The following GLIPR2 variants were observed in gnomAD, a reference collection of about 807,000 sequenced individuals.
The protein encoded by GLIPR2 is GLI pathogenesis related 2, also known as Golgi-associated plant pathogenesis-related protein 1.
In GLIPR2, 21 loss-of-function variants were observed where a neutral mutation model predicts 20.4. The observed-to-expected ratio is 1.03, with a 90% CI of 0.73 to 1.48. The LOEUF (loss-of-function observed/expected upper bound fraction) is 1.48, where lower values mean the gene tolerates loss of function less well. Among genes scored for constraint, GLIPR2 ranks in the 40% most tolerant of loss-of-function variants. GLIPR2 has a pLI of 0.00. For synonymous variants in GLIPR2, 91 were observed against 80.5 expected, an observed-to-expected ratio of 1.13 and a Z score of -0.70; for missense variants, 205 against 200.1, an observed-to-expected ratio of 1.02 and a Z score of -0.15.
intron 1 of GLIPR2, among the ~76,000 whole-genome samples, chr9:36,140,278 G>A (rs958209983): frequency 3.9e-5 from 6 of 152,208 alleles, no homozygotes; most frequent in Non-Finnish European, 7.3e-5. Context: ...AATCAGAGCA[G>A]AGAGGCCTTT....
Position 36,148,619 on chromosome 9 carries a change from G to A in GLIPR2, c.195G>A (p.Glu65=). 1 of 1,613,952 alleles carries A rather than the reference G, an allele frequency of 6.2e-7. No individual in the cohort carries two copies. Among genetic ancestry groups the A allele is most frequent in the Non-Finnish European group, 8.5e-7 (1 of 1,179,824 alleles). ...SPESSRGQCG[E]NLAWASYDQT... ...AGTCCAGCCGTGGCCAGTGTGGGGA[G>A]AACCTTGCATGGGCATCCTATGATC... is the stretch of plus-strand genomic sequence containing the variant. The change falls in exon 3 of 5, where the codon GAG becomes GAA. Residue 65 remains glutamate, a synonymous_variant. Transcript: ENST00000377960.
At position 36,147,881 on chromosome 9, in the gene GLIPR2, C is replaced by T. The variant is rs11541720; in HGVS notation, c.109C>T (p.Arg37Trp). ...ACTGAAGCTCTGCAAGAACCTCAAC[C>T]GGGAGGCTCAACAGTGAGTCCCCTA... Reference protein sequence around the residue: ...PPLKLCKNLNREAQQYSEALA... With the variant: ...PPLKLCKNLNWEAQQYSEALA... The change falls in exon 2 of 5, where the codon CGG (arginine) becomes TGG (tryptophan). Residue 37 changes from arginine to tryptophan, a missense_variant. Coordinates refer to ENST00000377960, the MANE Select transcript of GLIPR2 (RefSeq NM_022343.4). 1.3e-5 allele frequency: 20 copies of T among 1,537,458 alleles called. No individual in the cohort carries two copies. Among genetic ancestry groups the T allele is most frequent in the East Asian group, 6.7e-5 (3 of 44,500 alleles).
rs377564402 is a variant in GLIPR2 at position 36,157,713 on chromosome 9, C to CACAT, written c.305-4648_305-4647insCATA. Among the ~76,000 whole-genome samples, 313 of 106,776 alleles carry CACAT rather than the reference C, an allele frequency of 2.9e-3. 2 individuals carry two copies. Among genetic ancestry groups the CACAT allele is most frequent in the African/African-American group, 8.2e-3 (245 of 29,856 alleles). 70.0% of individuals were successfully genotyped at this position (106,776 alleles called of 152,430 possible). Reference sequence around the variant, plus strand: ...ACACACACACACACACACACACACACATATATATATACACATATATACATA... The same window carrying CACAT: ...ACACACACACACACACACACACACACACATATATATATATACACATATATACATA... On this transcript the variant is annotated intron_variant, in intron 4 of 4. Coordinates refer to ENST00000377960, the MANE Select transcript of GLIPR2 (RefSeq NM_022343.4).
intron 4 of GLIPR2, among the ~76,000 whole-genome samples, chr9:36,158,164 C>G (rs534039225): frequency 6.6e-6 from 1 of 152,300 alleles, no homozygotes; most frequent in East Asian, 1.9e-4. Context: ...GGAGCATGGG[C>G]GTATAAATAT....
In GLIPR2 at chr9:36,147,216, TTGTC is replaced by T. The variant is rs572518639; in HGVS notation, c.14-564_14-561del. Among the ~76,000 whole-genome samples the T allele has an allele frequency of 1.9e-3, 286 of 152,268 alleles. 1 individual carries two copies. Among genetic ancestry groups the T allele is most frequent in the African/African-American group, 6.6e-3 (274 of 41,552 alleles). On this transcript the variant is annotated intron_variant, in intron 1 of 4. Coordinates refer to ENST00000377960, the MANE Select transcript of GLIPR2 (RefSeq NM_022343.4). ...CCAGGGCTGTCCTTCCCTCGTCTCTTTGTCTGTCTCTCTGTCTCCTTGGCTTCAC... is the reference window on the plus strand; with the variant it reads ...CCAGGGCTGTCCTTCCCTCGTCTCTTTGTCTCTCTGTCTCCTTGGCTTCAC...
At chr9:36,142,425 G>GA (rs913511300) in intron 1 of GLIPR2, among the ~76,000 whole-genome samples, 1 of 152,112 alleles carries the variant, frequency 6.6e-6, no homozygotes, top group Non-Finnish European at 1.5e-5. Context: ...AATTCGAAAA[G>GA]AAAAAACATG....
At chr9:36,146,967 G>A (rs563744449) in intron 1 of GLIPR2, among the ~76,000 whole-genome samples, 5 of 152,108 alleles carry the variant, frequency 3.3e-5, no homozygotes, top group South Asian at 4.2e-4. Flanking sequence ...GGGACTCTGC[G>A]GTGGCTCTGC....
chr9:36,147,076 TCTC>T (rs1210692860), intron 1 of GLIPR2, among the ~76,000 whole-genome samples: 1 of 152,030 alleles, frequency 6.6e-6, no homozygotes, highest in Non-Finnish European at 1.5e-5. Flanking sequence ...CACACACCAG[TCTC>T]CTCTGGAAAC....
intron 4 of GLIPR2, among the ~76,000 whole-genome samples, chr9:36,161,691 T>C (rs1417767839): frequency 6.6e-6 from 1 of 151,886 alleles, no homozygotes; most frequent in South Asian, 2.1e-4. Flanking sequence ...TCCTCAGGTG[T>C]CAAGTAAGAT....
chr9:36,161,941 C>T (rs1191141088), intron 4 of GLIPR2, among the ~76,000 whole-genome samples: 1 of 152,144 alleles, frequency 6.6e-6, no homozygotes, highest in Non-Finnish European at 1.5e-5. Flanking sequence ...AATCCCAGCA[C>T]TGGGAGACTG....
upstream of GLIPR2, chr9:36,136,688 A>C: frequency 1.0e-6 from 1 of 974,290 alleles, no homozygotes. This position sits in a 1 kb window ranked among gnomAD's most constrained non-coding sequence, Gnocchi z 4.3. Context: ...GGGCCGCGGC[A>C]TCAGCCCGGT....
intron 1 of GLIPR2, among the ~76,000 whole-genome samples, chr9:36,143,220 T>C (rs929858789): frequency 2.0e-5 from 3 of 152,194 alleles, no homozygotes; most frequent in Admixed American, 1.3e-4. Flanking sequence ...GCCTTTAAAC[T>C]GGCTTCCCCT....
intron 4 of GLIPR2, among the ~76,000 whole-genome samples, chr9:36,158,670 G>C (rs1825935539): frequency 6.6e-6 from 1 of 152,214 alleles, no homozygotes; most frequent in African/African-American, 2.4e-5. Flanking sequence ...TTTAGCAAAT[G>C]AATGCCATCC....
chr9:36,143,431 G>T (rs1825178565), intron 1 of GLIPR2, among the ~76,000 whole-genome samples: 1 of 152,140 alleles, frequency 6.6e-6, no homozygotes, highest in Admixed American at 6.5e-5. Flanking sequence ...TGCATCTCCC[G>T]TGGTGTCCCA....
At chr9:36,150,025 T>C (rs1348254209) in intron 3 of GLIPR2, among the ~76,000 whole-genome samples, 2 of 152,188 alleles carry the variant, frequency 1.3e-5, no homozygotes, top group Non-Finnish European at 2.9e-5. Flanking sequence ...CGAAACTCCG[T>C]CTCAGAAAAC....
chr9:36,161,519 C>G (rs12335862), intron 4 of GLIPR2, among the ~76,000 whole-genome samples: 78,112 of 149,646 alleles, frequency 0.52, 20,836 homozygotes, highest in Admixed American at 0.63. Flanking sequence ...AAAAAAAGGG[C>G]CCAGGATTGA....
chr9:36,162,284 C>G (rs1055652176), intron 4 of GLIPR2, 78 bp from the exon 5 acceptor site: 1 of 1,600,718 alleles, frequency 6.2e-7, no homozygotes. Context: ...TACAGGGGTT[C>G]AACAATCCCC....
intron 3 of GLIPR2, among the ~76,000 whole-genome samples, 199 bp downstream of exon 3, chr9:36,148,849 G>C (rs1825456706): frequency 2.0e-5 from 3 of 152,328 alleles, no homozygotes; most frequent in Middle Eastern, 6.8e-3. Context: ...TCAGTGCCAG[G>C]CCTGTGCTGG....
intron 4 of GLIPR2, among the ~76,000 whole-genome samples, chr9:36,154,804 A>C (rs980260109): frequency 6.6e-6 from 1 of 152,174 alleles, no homozygotes; most frequent in Admixed American, 6.5e-5. Flanking sequence ...TGCCACAGGC[A>C]CTCGTGCTGC....
Sources: allele counts gnomAD v4.1 joint callset (sites outside exome capture counted in the v4.1 genomes callset), GRCh38; gene constraint gnomAD v4.1.1; non-coding constraint Gnocchi (gnomAD v3.1); transcripts MANE v1.5; gene names NCBI Gene and HGNC (gene_info 2026-07-23, HGNC 2026-07-21).